The following SNTG2 variants were observed in gnomAD, a reference collection of about 807,000 sequenced individuals.
SNTG2 encodes the protein gamma-2-syntrophin.
SNTG2 carries 74 observed loss-of-function variants against 70.9 expected under a neutral mutation model. The ratio of observed to expected loss-of-function variants is 1.04; its 90% CI spans 0.86 to 1.27. The LOEUF (loss-of-function observed/expected upper bound fraction) is 1.27. Among genes scored for constraint, SNTG2 ranks in the 50% most tolerant of loss-of-function variants. SNTG2 has a pLI of 0.00. For synonymous variants in SNTG2, 278 were observed against 273.8 expected (o/e 1.02, Z -0.15); for missense variants, 717 against 690.7 (o/e 1.04, Z -0.43).
intron 1 of SNTG2, among the ~76,000 whole-genome samples, chr2:1,059,948 G>C (rs1002005840): frequency 6.6e-6 from 1 of 151,998 alleles, no homozygotes; most frequent in Non-Finnish European, 1.5e-5. Flanking sequence ...AGAAATAGGA[G>C]ATATATAAGA....
intron 16 of SNTG2, among the ~76,000 whole-genome samples, chr2:1,348,488 C>A: frequency 6.6e-6 from 1 of 152,230 alleles, no homozygotes; most frequent in East Asian, 1.9e-4. Flanking sequence ...TTATCTTAAC[C>A]CAGACATTCC....
At chr2:1,304,517 G>C (rs1358289305) in intron 14 of SNTG2, among the ~76,000 whole-genome samples, 3 of 152,126 alleles carry the variant, frequency 2.0e-5, no homozygotes, top group Non-Finnish European at 4.4e-5. Context: ...ACTGCGTTCA[G>C]AAGTTTGAGA....
At chr2:1,083,419 A>G in intron 1 of SNTG2, 99 bp from the exon 2 acceptor site, 1 of 1,306,588 alleles carries the variant, frequency 7.7e-7, no homozygotes, top group Non-Finnish European at 1.1e-6. Flanking sequence ...CTACACGTGC[A>G]TTTTAGGATT....
At position 1,165,876 on chromosome 2, in the gene SNTG2, C is replaced by T. The variant is rs7570506; in HGVS notation, c.499+241C>T. On this transcript the variant is annotated intron_variant, in intron 7 of 16. Transcript: ENST00000308624. ...GACCGTGCTTCTCGACTGTGCTTCT[C>T]GTCACTTAACTACATGCTCGTTCCT... Among the ~76,000 whole-genome samples, 986 of 152,292 alleles carry T rather than the reference C, an allele frequency of 6.5e-3. 15 individuals carry two copies. The highest frequency in any genetic ancestry group is 0.022 in the African/African-American group (933 of 41,558).
intron 1 of SNTG2, among the ~76,000 whole-genome samples, chr2:1,031,631 A>T (rs545352659): frequency 6.7e-6 from 1 of 149,116 alleles, no homozygotes; most frequent in Non-Finnish European, 1.5e-5. Flanking sequence ...CCAGGGTTCA[A>T]GCAATTCTCC....
intron 6 of SNTG2, among the ~76,000 whole-genome samples, chr2:1,142,102 C>T (rs1357768129): frequency 1.3e-5 from 2 of 152,222 alleles, no homozygotes; most frequent in African/African-American, 4.8e-5. Flanking sequence ...GGAACTGACT[C>T]TCTCCCTGAA....
chr2:1,157,816 C>T (rs1285325494), intron 6 of SNTG2, among the ~76,000 whole-genome samples: 2 of 152,076 alleles, frequency 1.3e-5, no homozygotes, highest in African/African-American at 2.4e-5. Context: ...GCCTGCCCCG[C>T]GGGTGATATG....
chr2:979,704 C>T (rs537232495), intron 1 of SNTG2, among the ~76,000 whole-genome samples: 1 of 152,236 alleles, frequency 6.6e-6, no homozygotes, highest in South Asian at 2.1e-4. Context: ...AGACCGGGAA[C>T]AAATCAGCCC....
intron 4 of SNTG2, among the ~76,000 whole-genome samples, chr2:1,104,882 T>G (rs1666017098): frequency 6.6e-6 from 1 of 152,216 alleles, no homozygotes; most frequent in South Asian, 2.1e-4. Context: ...GCCTTATATT[T>G]GCAAAATGGT....
At chr2:1,007,449 A>G (rs1313840559) in intron 1 of SNTG2, among the ~76,000 whole-genome samples, 2 of 152,182 alleles carry the variant, frequency 1.3e-5, no homozygotes, top group Non-Finnish European at 2.9e-5. Context: ...GCAGGAAACA[A>G]AACTTCCCTG....
chr2:980,693 T>C (rs6716926), intron 1 of SNTG2, among the ~76,000 whole-genome samples: 46,215 of 148,844 alleles, frequency 0.31, 7,430 homozygotes, highest in Middle Eastern at 0.4. Flanking sequence ...TATAGACACA[T>C]GTACACACAC....
At chr2:1,176,933 A>C (rs941100880) in intron 8 of SNTG2, among the ~76,000 whole-genome samples, 137 of 152,210 alleles carry the variant, frequency 9.0e-4, no homozygotes, top group East Asian at 1.9e-4. Context: ...GATTCCTCAA[A>C]GGTCTAGAAC....
chr2:1,121,895 G>T (rs373985286), intron 4 of SNTG2, among the ~76,000 whole-genome samples: 5 of 152,124 alleles, frequency 3.3e-5, no homozygotes, highest in Admixed American at 6.5e-5. Context: ...CTAAGAAACA[G>T]AAGTTTCAAA....
chr2:1,311,869 C>G (rs2148254396), intron 15 of SNTG2, among the ~76,000 whole-genome samples: 1 of 152,302 alleles, frequency 6.6e-6, no homozygotes, highest in South Asian at 2.1e-4. Flanking sequence ...TGTATTATTT[C>G]TGGGTCAAAA....
At chr2:1,088,468 G>A (rs1664817639) in intron 2 of SNTG2, among the ~76,000 whole-genome samples, 1 of 152,214 alleles carries the variant, frequency 6.6e-6, no homozygotes, top group Non-Finnish European at 1.5e-5. Flanking sequence ...TCCATTAGGG[G>A]AAGGTCTGAT....
intron 1 of SNTG2, among the ~76,000 whole-genome samples, chr2:953,848 T>C (rs1036875416): frequency 4.6e-5 from 7 of 152,196 alleles, no homozygotes; most frequent in African/African-American, 1.7e-4. Context: ...CAGCTTCTTG[T>C]CTCTGGATAT....
At chr2:1,154,586 A>G (rs1418167579) in intron 6 of SNTG2, among the ~76,000 whole-genome samples, 2 of 152,204 alleles carry the variant, frequency 1.3e-5, no homozygotes, top group Admixed American at 6.5e-5. Context: ...GAGCACCTGC[A>G]GCAGCGTGAC....
At chr2:1,308,649 C>T (rs778812376) in intron 15 of SNTG2, 63 bp downstream of exon 15, 11 of 1,329,472 alleles carry the variant, frequency 8.3e-6, no homozygotes, top group Admixed American at 2.0e-5. Flanking sequence ...ATTCCATGGG[C>T]GTTAACACTC....
At chr2:1,244,711 A>C (rs1297726277) in intron 11 of SNTG2, among the ~76,000 whole-genome samples, 4 of 151,596 alleles carry the variant, frequency 2.6e-5, no homozygotes, top group Non-Finnish European at 4.4e-5. Flanking sequence ...AAAAAAAAAA[A>C]AAAAACAGTT....
Sources: allele counts gnomAD v4.1 joint callset (sites outside exome capture counted in the v4.1 genomes callset), GRCh38; gene constraint gnomAD v4.1.1; transcripts MANE v1.5; gene names NCBI Gene and HGNC (gene_info 2026-07-23, HGNC 2026-07-21).